The following PCDH15 variants were observed in gnomAD, a reference collection of about 807,000 sequenced individuals.
PCDH15 encodes protocadherin-15.
In PCDH15, 129 loss-of-function variants were observed where a neutral mutation model predicts 178.5. The observed-to-expected ratio is 0.72, with a 90% CI of 0.63 to 0.84. The LOEUF (loss-of-function observed/expected upper bound fraction) is 0.84, where lower values mean the gene tolerates loss of function less well. Ranked by LOEUF, PCDH15 falls within the 40% of genes least tolerant of loss-of-function variation. The pLI is 0.00. For missense variants in PCDH15, 2,230 were observed against 2,099.9 expected, an observed-to-expected ratio of 1.06 and a Z score of -1.21; for synonymous variants, 800 against 732.0, an observed-to-expected ratio of 1.09 and a Z score of -1.50.
At chr10:54,943,168 G>A (rs1293538591) in intron 2 of PCDH15, among the ~76,000 whole-genome samples, 1 of 151,880 alleles carries the variant, frequency 6.6e-6, no homozygotes. Flanking sequence ...TTTTCAGCAG[G>A]AAAGCTACCT....
At chr10:54,327,021 A>G (rs928048299) in intron 7 of PCDH15, among the ~76,000 whole-genome samples, 2 of 152,074 alleles carry the variant, frequency 1.3e-5, no homozygotes, top group African/African-American at 4.8e-5. Flanking sequence ...TCTGTTTTAT[A>G]ACTTTATCCC....
At chr10:54,891,062 C>T (rs1276172349) in intron 3 of PCDH15, among the ~76,000 whole-genome samples, 1 of 152,078 alleles carries the variant, frequency 6.6e-6, no homozygotes, top group Non-Finnish European at 1.5e-5. Context: ...AATGAGTGGT[C>T]CTTTTGACAC....
intron 2 of PCDH15, among the ~76,000 whole-genome samples, chr10:54,533,145 T>G (rs545842735): frequency 1.6e-4 from 25 of 152,318 alleles, no homozygotes; most frequent in African/African-American, 4.6e-4. Context: ...GGTCTTTATT[T>G]AGAAGTGTGG....
intron 2 of PCDH15, among the ~76,000 whole-genome samples, chr10:55,506,671 C>A (rs370210581): frequency 1.2e-3 from 186 of 151,550 alleles, no homozygotes; most frequent in African/African-American, 4.3e-3. Flanking sequence ...AATTTTTATT[C>A]CCGGGAGAGT....
intron 1 of PCDH15, among the ~76,000 whole-genome samples, chr10:55,310,612 G>A (rs570508361): frequency 6.6e-6 from 1 of 152,200 alleles, no homozygotes; most frequent in South Asian, 2.1e-4. Flanking sequence ...TAGACTATTA[G>A]CTTACATAAT....
At chr10:55,001,398 G>A (rs370637621) in intron 2 of PCDH15, among the ~76,000 whole-genome samples, 4 of 152,170 alleles carry the variant, frequency 2.6e-5, no homozygotes, top group East Asian at 1.9e-4. Context: ...GCCACGTTGT[G>A]GGTGATGAGA....
intron 1 of PCDH15, among the ~76,000 whole-genome samples, chr10:55,230,393 T>G (rs1023114565): frequency 6.6e-6 from 1 of 152,080 alleles, no homozygotes; most frequent in African/African-American, 2.4e-5. Context: ...GGCTTGTTAG[T>G]GATTTATAAA....
At chr10:53,959,370 C>T (rs1202720844) in intron 23 of PCDH15, among the ~76,000 whole-genome samples, 1 of 151,230 alleles carries the variant, frequency 6.6e-6, no homozygotes, top group African/African-American at 2.4e-5. Flanking sequence ...AGATTGCATG[C>T]CAAAATTGGA....
chr10:54,853,404 CAT>C (rs1491147684), intron 3 of PCDH15, among the ~76,000 whole-genome samples: 1 of 89,810 alleles, frequency 1.1e-5, no homozygotes, highest in Admixed American at 1.1e-4. Flanking sequence ...TATACACACA[CAT>C]ATATATACAC....
chr10:55,098,899 A>T (rs1306924799), intron 2 of PCDH15, among the ~76,000 whole-genome samples: 1 of 26,330 alleles, frequency 3.8e-5, no homozygotes, highest in Non-Finnish European at 1.5e-4. Context: ...CTTCAATGAG[A>T]GAGAGAGAGA....
At position 54,829,344 on chromosome 10, in the gene PCDH15, T is replaced by C. The variant is rs544492451; in HGVS notation, c.-29+68106A>G. Among the ~76,000 whole-genome samples the C allele has an allele frequency of 2.6e-5, 4 of 152,040 alleles. No homozygotes were observed. The East Asian group carries it at 7.7e-4, about 29-fold the overall frequency. The stretch of plus-strand genomic sequence containing the variant: ...TAACCAATGCTGCTACTACTACTAC[T>C]ACTACCAATAATAATAATATCAACA... On this transcript the variant is annotated intron_variant, in intron 3 of 5. Transcript: ENST00000458638.
At position 54,521,156 on chromosome 10, in the gene PCDH15, T is replaced by C. The variant is rs541451894; in HGVS notation, c.157+6656A>G. On this transcript the variant is annotated intron_variant, in intron 3 of 37. Coordinates refer to ENST00000644397, the MANE Select transcript of PCDH15 (RefSeq NM_001384140.1). ...GCAGTACACCAACATGGCACATGTA[T>C]ACATATGTAACAAACCTGCACATTG... 2.0e-5 allele frequency among the ~76,000 whole-genome samples: 3 copies of C among 152,084 alleles called. No individual in the cohort carries two copies. In the East Asian group the frequency reaches 5.8e-4, roughly 30 times the overall value.
intron 2 of PCDH15, among the ~76,000 whole-genome samples, chr10:54,921,118 T>C (rs1054383568): frequency 1.3e-5 from 2 of 152,118 alleles, no homozygotes; most frequent in Admixed American, 6.5e-5. Flanking sequence ...TAAGATGTGG[T>C]AAAAGACTCT....
chr10:55,304,235 G>A (rs550849072), intron 1 of PCDH15, among the ~76,000 whole-genome samples: 3 of 151,794 alleles, frequency 2.0e-5, no homozygotes, highest in Admixed American at 6.6e-5. Context: ...CACTTTTCCT[G>A]GTATTTGGAT....
intron 1 of PCDH15, among the ~76,000 whole-genome samples, chr10:54,742,808 A>G (rs1164026467): frequency 6.6e-6 from 1 of 152,064 alleles, no homozygotes; most frequent in African/African-American, 2.4e-5. Context: ...TGAGGGAAGA[A>G]GTCTTCGTCA....
intron 3 of PCDH15, among the ~76,000 whole-genome samples, chr10:54,830,694 C>A (rs942378526): frequency 3.3e-5 from 5 of 151,354 alleles, no homozygotes; most frequent in Non-Finnish European, 7.4e-5. Context: ...TGTAACAAAC[C>A]TGCACATTAT....
At chr10:54,189,835 G>A (rs1370883572) in intron 11 of PCDH15, among the ~76,000 whole-genome samples, 6 of 151,474 alleles carry the variant, frequency 4.0e-5, no homozygotes, top group African/African-American at 1.2e-4. Flanking sequence ...CTTATATTAT[G>A]GGTTATTTTG....
intron 29 of PCDH15, among the ~76,000 whole-genome samples, chr10:53,832,141 T>G (rs2077052071): frequency 6.6e-6 from 1 of 151,902 alleles, no homozygotes; most frequent in African/African-American, 2.4e-5. Flanking sequence ...TAAAAGACCC[T>G]TCTGCCTAGG....
chr10:53,827,705 TC>T (rs1217978227), intron 31 of PCDH15, among the ~76,000 whole-genome samples, 157 bp from the exon 32 acceptor site: 2 of 152,176 alleles, frequency 1.3e-5, no homozygotes, highest in African/African-American at 2.4e-5. Context: ...TACAAAAGCA[TC>T]CCCACAGGGT....
Sources: gnomAD v4.1 joint callset for allele counts (sites outside exome capture counted in the v4.1 genomes callset) on GRCh38, gnomAD v4.1.1 for gene constraint, MANE v1.5 for transcripts, NCBI Gene and HGNC (gene_info 2026-07-23, HGNC 2026-07-21) for gene names.